DGKB: variants seen among roughly 807,000 people sequenced by gnomAD.
DGKB encodes 90 kDa diacylglycerol kinase.
DGKB carries 67 observed loss-of-function variants against 114.3 expected under a neutral mutation model. The ratio of observed to expected loss-of-function variants is 0.59; its 90% CI spans 0.48 to 0.72. DGKB has a LOEUF of 0.72. Among genes scored for constraint, DGKB ranks in the 30% least tolerant of loss-of-function variants. The pLI is 0.00. For missense variants in DGKB, 907 were observed against 975.2 expected (o/e 0.93, Z 0.93); for synonymous variants, 398 against 323.1 (o/e 1.23, Z -2.49).
chr7:14,358,872 C>T (rs555690145), intron 21 of DGKB, among the ~76,000 whole-genome samples: 1 of 152,050 alleles, frequency 6.6e-6, no homozygotes, highest in African/African-American at 2.4e-5. Flanking sequence ...CCACACTGCC[C>T]AAGGTAATTT....
At position 14,648,437 on chromosome 7, in the gene DGKB, C is replaced by G. The variant is rs369013026; in HGVS notation, c.1135-18169G>C. On this transcript the variant is annotated intron_variant, in intron 13 of 25. Coordinates refer to ENST00000402815, the MANE Select transcript of DGKB (RefSeq NM_001350709.2). ...CAACAGACCTGCAGCTGAGGGTCCT[C>G]TCTGTTAGACGGAAAACTAACAAAC... is the stretch of plus-strand genomic sequence containing the variant. 2.2e-4 allele frequency among the ~76,000 whole-genome samples: 34 copies of G among 152,294 alleles called. No individual in the cohort carries two copies. In the East Asian group the frequency reaches 3.1e-3, roughly 14 times the overall value.
chr7:14,516,090 T>C (rs952847579), intron 20 of DGKB, among the ~76,000 whole-genome samples: 1 of 152,090 alleles, frequency 6.6e-6, no homozygotes, highest in Non-Finnish European at 1.5e-5. Context: ...TCAAGCAATC[T>C]GCCCACCTTG....
intron 2 of DGKB, among the ~76,000 whole-genome samples, chr7:14,812,445 G>A (rs1843571415): frequency 6.6e-6 from 1 of 151,904 alleles, no homozygotes; most frequent in African/African-American, 2.4e-5. Flanking sequence ...CTTCCTAATA[G>A]AACAGATACA....
intron 25 of DGKB, among the ~76,000 whole-genome samples, chr7:14,173,061 T>G (rs1781241100): frequency 6.6e-6 from 1 of 152,198 alleles, no homozygotes; most frequent in Non-Finnish European, 1.5e-5. Flanking sequence ...TTTGATATGC[T>G]TATTATCACA....
intron 23 of DGKB, among the ~76,000 whole-genome samples, chr7:14,262,634 A>G (rs1326490780): frequency 6.6e-6 from 1 of 152,192 alleles, no homozygotes; most frequent in African/African-American, 2.4e-5. Context: ...TACTGTTCCT[A>G]GAAGAATAGC....
At chr7:14,466,575 T>G (rs1780500541) in intron 21 of DGKB, among the ~76,000 whole-genome samples, 1 of 151,156 alleles carries the variant, frequency 6.6e-6, no homozygotes, top group South Asian at 2.1e-4. Flanking sequence ...ACAAGGAGGG[T>G]TTCTTGTTTA....
At chr7:14,566,309 G>A (rs1033570351) in intron 20 of DGKB, among the ~76,000 whole-genome samples, 5 of 152,040 alleles carry the variant, frequency 3.3e-5, no homozygotes, top group Non-Finnish European at 4.4e-5. Context: ...TAAATAAACT[G>A]AAACTGAAAA....
In DGKB at chr7:14,148,918, ACTT is replaced by A. The variant is rs368315233; in HGVS notation, c.*210_*212del. 1.8e-4 allele frequency: 103 copies of A among 569,244 alleles called. No individual in the cohort carries two copies. Among genetic ancestry groups the A allele is most frequent in the African/African-American group, 7.7e-4 (40 of 51,842 alleles). 35.3% of individuals were successfully genotyped at this position (569,244 alleles called of 1,614,324 possible). A position where few individuals can be genotyped will look rare whatever the true frequency, so the allele number is the denominator to read the frequency against. On this transcript the variant is annotated 3_prime_UTR_variant, in exon 26 of 26. Coordinates refer to ENST00000402815, the MANE Select transcript of DGKB (RefSeq NM_001350709.2). ...AAATATGCAGTATCACTTCAGGTAA[ACTT>A]CTGCTTTCTTCATGCAAAGATGCCT...
chr7:14,739,550 T>C (rs188802737), intron 4 of DGKB, among the ~76,000 whole-genome samples: 133 of 152,326 alleles, frequency 8.7e-4, no homozygotes, highest in African/African-American at 2.3e-3. Context: ...TGTCCGCATG[T>C]TTAATTTTTC....
intron 20 of DGKB, among the ~76,000 whole-genome samples, chr7:14,506,044 C>A (rs1156704278): frequency 1.3e-5 from 2 of 152,094 alleles, no homozygotes; most frequent in Non-Finnish European, 2.9e-5. Context: ...CTCTCTAGCT[C>A]ACAATGTGAA....
rs866655726 is a variant in DGKB at position 14,292,730 on chromosome 7, G to C, written c.2122+45785C>G. Among the ~76,000 whole-genome samples, 9 of 152,298 alleles carry C rather than the reference G, an allele frequency of 5.9e-5. No individual in the cohort carries two copies. The East Asian group carries it at 1.5e-3, about 26-fold the overall frequency. On this transcript the variant is annotated intron_variant, in intron 23 of 25. Coordinates refer to ENST00000402815, the MANE Select transcript of DGKB (RefSeq NM_001350709.2). Reference sequence around the variant, plus strand: ...CATTTAACCTATCTGCACTTACAGAGTGCCTCTGTGTACCTGCTGCTGTCT... The same window carrying C: ...CATTTAACCTATCTGCACTTACAGACTGCCTCTGTGTACCTGCTGCTGTCT...
At chr7:14,436,902 A>C (rs1387141974) in intron 21 of DGKB, among the ~76,000 whole-genome samples, 1 of 152,160 alleles carries the variant, frequency 6.6e-6, no homozygotes, top group East Asian at 1.9e-4. Flanking sequence ...GAGTAAAATT[A>C]GCTAGGTGAA....
intron 23 of DGKB, among the ~76,000 whole-genome samples, chr7:14,291,392 C>T (rs1004215312): frequency 6.6e-6 from 1 of 151,948 alleles, no homozygotes; most frequent in Non-Finnish European, 1.5e-5. Context: ...CATTTTTGAC[C>T]CAGATATAGG....
chr7:14,509,629 C>G (rs565009055), intron 20 of DGKB, among the ~76,000 whole-genome samples: 1 of 152,260 alleles, frequency 6.6e-6, no homozygotes, highest in Non-Finnish European at 1.5e-5. Context: ...GTTCCTCCCC[C>G]TCTCATCTGC....
At chr7:14,654,154 A>T (rs1297172074) in intron 13 of DGKB, among the ~76,000 whole-genome samples, 1 of 151,958 alleles carries the variant, frequency 6.6e-6, no homozygotes, top group Non-Finnish European at 1.5e-5. Context: ...TTCACAAAAA[A>T]CTCTTATGAC....
chr7:14,906,492 T>G (rs1783715067), upstream of DGKB, among the ~76,000 whole-genome samples: 1 of 146,058 alleles, frequency 6.8e-6, no homozygotes, highest in Non-Finnish European at 1.5e-5. Flanking sequence ...CTCGCTCTAT[T>G]GCCCAGGCTG....
intron 13 of DGKB, among the ~76,000 whole-genome samples, chr7:14,635,867 G>A (rs766405045): frequency 4.0e-5 from 6 of 151,316 alleles, no homozygotes; most frequent in Non-Finnish European, 7.4e-5. Context: ...CTATAAAAAC[G>A]AGAGCCAGTT....
intron 1 of DGKB, among the ~76,000 whole-genome samples, chr7:14,843,644 T>C (rs1269087242): frequency 6.6e-6 from 1 of 152,250 alleles, no homozygotes; most frequent in Admixed American, 6.5e-5. Context: ...AATAACTTTT[T>C]TTAAAGTCAA....
At chr7:14,291,142 C>CAAAAAAAAA (rs373171858) in intron 23 of DGKB, among the ~76,000 whole-genome samples, 1 of 86,378 alleles carries the variant, frequency 1.2e-5, no homozygotes, top group Non-Finnish European at 2.1e-5. Flanking sequence ...AACTCCGTCT[C>CAAAAAAAAA]AAAAAAAAAA....
Sources: allele counts gnomAD v4.1 joint callset (sites outside exome capture counted in the v4.1 genomes callset), GRCh38; gene constraint gnomAD v4.1.1; transcripts MANE v1.5; gene names NCBI Gene and HGNC (gene_info 2026-07-23, HGNC 2026-07-21).